Variants in SSH2 observed in about 807,000 individuals in gnomAD.
SSH2 encodes the protein protein phosphatase Slingshot homolog 2.
A neutral mutation model predicts 135.2 loss-of-function variants in SSH2; 37 were observed. The observed-to-expected ratio is 0.27, with a 90% CI of 0.21 to 0.36. The LOEUF is 0.36. SSH2 is among the 10% of genes least tolerant of loss of function. The probability of loss-of-function intolerance (pLI) is 1.00; values close to 1 mark genes in which losing one functional copy is unlikely to be tolerated. For missense variants in SSH2, 1,408 were observed against 1,765.3 expected (o/e 0.80, Z 3.63); for synonymous variants, 628 against 646.2 (o/e 0.97, Z 0.43).
At chr17:29,848,431 C>A (rs1203519003) in intron 2 of SSH2, among the ~76,000 whole-genome samples, 1 of 152,036 alleles carries the variant, frequency 6.6e-6, no homozygotes, top group Non-Finnish European at 1.5e-5. Context: ...ATGTGAGGCC[C>A]ATGTACGTGA....
chr17:29,752,240 G>C (rs1258416822), intron 3 of SSH2, among the ~76,000 whole-genome samples: 1 of 152,012 alleles, frequency 6.6e-6, no homozygotes, highest in Non-Finnish European at 1.5e-5. Context: ...AAATAGTTAG[G>C]ACACTGAAAA....
intron 3 of SSH2, among the ~76,000 whole-genome samples, chr17:29,731,616 C>T (rs554419086): frequency 3.9e-5 from 6 of 152,200 alleles, no homozygotes; most frequent in East Asian, 3.9e-4. Context: ...CCGCTACACC[C>T]GGCTAATCTG....
intron 3 of SSH2, among the ~76,000 whole-genome samples, chr17:29,758,305 T>C (rs934733367): frequency 3.9e-5 from 6 of 152,124 alleles, no homozygotes; most frequent in African/African-American, 1.4e-4. Context: ...GCCTAGGAAA[T>C]AGATCTGGAT....
At position 29,703,066 on chromosome 17, in the gene SSH2, C is replaced by CA. The variant is rs756347159; in HGVS notation, c.189-5dup. 1.9e-6 allele frequency: 3 copies of CA among 1,604,634 alleles called. No homozygotes were observed. The African/African-American group carries it at 4.0e-5, about 22-fold the overall frequency. On this transcript the variant is annotated splice_region_variant and splice_polypyrimidine_tract_variant and intron_variant, in intron 3 of 15. Transcript: ENST00000540801. ...AGTTAGAAAGCTCTCGCTGATGCTA[C>CA]AAGGAAAAAGTCAAAAGAAAATAAA...
chr17:29,796,383 C>T (rs533959869), intron 2 of SSH2, among the ~76,000 whole-genome samples: 31 of 152,308 alleles, frequency 2.0e-4, no homozygotes, highest in Admixed American at 2.6e-4. Context: ...CTCTGTTGCC[C>T]AGGCTGGAGT....
chr17:29,663,322 G>A (rs2037130428), intron 11 of SSH2, among the ~76,000 whole-genome samples: 1 of 152,224 alleles, frequency 6.6e-6, no homozygotes, highest in African/African-American at 2.4e-5. Flanking sequence ...AGATGACTCT[G>A]CAGAAAATCA....
intron 1 of SSH2, among the ~76,000 whole-genome samples, chr17:29,906,577 A>G (rs751238896): frequency 2.0e-5 from 3 of 152,198 alleles, no homozygotes; most frequent in Non-Finnish European, 2.9e-5. Context: ...CAAACAGACA[A>G]CCTATAAAAT....
At chr17:29,758,919 T>C (rs1365502656) in intron 3 of SSH2, among the ~76,000 whole-genome samples, 1 of 152,054 alleles carries the variant, frequency 6.6e-6, no homozygotes. Context: ...CTGCTAATTT[T>C]AAAAATGTTT....
intron 3 of SSH2, among the ~76,000 whole-genome samples, chr17:29,723,757 AT>A (rs2039897057): frequency 6.6e-6 from 1 of 152,162 alleles, no homozygotes; most frequent in Non-Finnish European, 1.5e-5. Context: ...GAAAGCCCAC[AT>A]TTGTCATACA....
At chr17:29,801,524 G>GC (rs2042250719) in intron 2 of SSH2, among the ~76,000 whole-genome samples, 1 of 152,096 alleles carries the variant, frequency 6.6e-6, no homozygotes, top group African/African-American at 2.4e-5. Context: ...AGTCTTCAAA[G>GC]CTAGTTTCAA....
At chr17:29,675,965 T>C (rs1250894448) in intron 8 of SSH2, 2 of 152,208 alleles carry the variant, frequency 1.3e-5, no homozygotes, top group Non-Finnish European at 2.9e-5. Context: ...GATGATTAAA[T>C]ATAATCCATG....
At chr17:29,871,182 TG>T (rs1013943787) in intron 1 of SSH2, among the ~76,000 whole-genome samples, 10 of 151,920 alleles carry the variant, frequency 6.6e-5, no homozygotes, top group African/African-American at 2.4e-4. Flanking sequence ...AGGCTGCAAT[TG>T]TTTTTTTTTT....
At chr17:29,684,044 T>C (rs1402121187) in intron 6 of SSH2, among the ~76,000 whole-genome samples, 1 of 152,160 alleles carries the variant, frequency 6.6e-6, no homozygotes, top group Non-Finnish European at 1.5e-5. Flanking sequence ...GATGAAGGTA[T>C]GGAATAATGG....
chr17:29,907,522 A>G (rs190630770), intron 1 of SSH2, among the ~76,000 whole-genome samples: 9 of 152,364 alleles, frequency 5.9e-5, no homozygotes, highest in African/African-American at 2.2e-4. Context: ...GCTGAAGGAA[A>G]AAAAGAAAAA....
rs187942538 is a variant in SSH2, at chr17:29,811,126, G to T, written c.145-17189C>A. Among the ~76,000 whole-genome samples, 704 of 152,162 alleles carry T rather than the reference G, an allele frequency of 4.6e-3. 5 individuals carry two copies. Among genetic ancestry groups the T allele is most frequent in the African/African-American group, 0.016 (664 of 41,498 alleles). ...TTCTACTGCTTCAGCCTCCCGAGTAGCTGCGACTACAGGTGCGCACCACCA... is the reference window on the plus strand; with the variant it reads ...TTCTACTGCTTCAGCCTCCCGAGTATCTGCGACTACAGGTGCGCACCACCA... On this transcript the variant is annotated intron_variant, in intron 2 of 15. Transcript: ENST00000540801.
At position 29,923,919 on chromosome 17, in the gene SSH2, AAAAC is replaced by A. The variant is rs201932806; in HGVS notation, c.63+6015_63+6018del. 4.1e-3 allele frequency among the ~76,000 whole-genome samples: 622 copies of A among 152,286 alleles called. 17 individuals carry two copies. The highest frequency in any genetic ancestry group is 0.036 in the Admixed American group (557 of 15,288). On this transcript the variant is annotated intron_variant, in intron 1 of 15. Transcript: ENST00000540801. ...AGACTCTGTCTCAAAAAACCAAACC[AAAAC>A]AAACAAACAAAGACTACTGAATGCA...
chr17:29,783,206 A>C (rs974434684), intron 3 of SSH2, among the ~76,000 whole-genome samples: 7 of 150,842 alleles, frequency 4.6e-5, no homozygotes, highest in Non-Finnish European at 1.0e-4. Flanking sequence ...GGTTGTTAGA[A>C]ATGGAAAAAC....
At chr17:29,686,699 C>T (rs967980822) in intron 5 of SSH2, among the ~76,000 whole-genome samples, 2 of 143,254 alleles carry the variant, frequency 1.4e-5, no homozygotes, top group African/African-American at 5.2e-5. Context: ...GACAGAGTCT[C>T]CCTCTGTCAC....
At chr17:29,750,925 C>A (rs151163053) in intron 3 of SSH2, among the ~76,000 whole-genome samples, 1 of 151,468 alleles carries the variant, frequency 6.6e-6, no homozygotes, top group Non-Finnish European at 1.5e-5. Context: ...CAAACACACA[C>A]GCTAGCTTAG....
Sources: allele counts gnomAD v4.1 joint callset (sites outside exome capture counted in the v4.1 genomes callset), GRCh38; gene constraint gnomAD v4.1.1; transcripts MANE v1.5; gene names NCBI Gene and HGNC (gene_info 2026-07-23, HGNC 2026-07-21).